IFT56: variants seen among roughly 807,000 people sequenced by gnomAD.
IFT56 encodes the protein intraflagellar transport protein 56.
the IFT56 span, chr7:139,168,415 G>A: frequency 6.2e-7 from 1 of 1,604,308 alleles, no homozygotes; most frequent in South Asian, 1.1e-5. Flanking sequence ...TGAAATCACT[G>A]ATAATCTATA....
the IFT56 span, chr7:139,133,799 G>C: frequency 1.2e-6 from 2 of 1,613,366 alleles, no homozygotes; most frequent in South Asian, 1.1e-5. Flanking sequence ...TGTGGATGCG[G>C]CGAAACGCTG....
chr7:139,146,799 C>G, the IFT56 span, among the ~76,000 whole-genome samples: 6 of 142,722 alleles, frequency 4.2e-5, no homozygotes, highest in African/African-American at 1.6e-4. Context: ...AAAGAAAGAA[C>G]AGATTAAAAA....
At chr7:139,147,214 T>G in the IFT56 span, 12 of 1,613,608 alleles carry the variant, frequency 7.4e-6, no homozygotes, top group Non-Finnish European at 1.0e-5. Context: ...TCAACTCAGT[T>G]TGGCCTCAAT....
chr7:139,140,213 A>G, the IFT56 span, among the ~76,000 whole-genome samples: 1 of 152,232 alleles, frequency 6.6e-6, no homozygotes, highest in Non-Finnish European at 1.5e-5. Flanking sequence ...GGCTACAGCC[A>G]AAAAGCAGAA....
the IFT56 span, among the ~76,000 whole-genome samples, chr7:139,172,129 C>CA: frequency 0.012 from 934 of 80,958 alleles, 3 homozygotes; most frequent in Non-Finnish European, 0.015. Flanking sequence ...AACCAATTTG[C>CA]AAAAAAAAAA....
chr7:139,188,285 G>A, the IFT56 span, among the ~76,000 whole-genome samples: 981 of 151,730 alleles, frequency 6.5e-3, 3 homozygotes, highest in Middle Eastern at 0.017. Flanking sequence ...ATTTTTAGTA[G>A]GGGCAGGGTT....
At chr7:139,159,790 AT>A in the IFT56 span, among the ~76,000 whole-genome samples, 12 of 152,138 alleles carry the variant, frequency 7.9e-5, no homozygotes, top group Non-Finnish European at 1.5e-4. Flanking sequence ...GGGGTTTATT[AT>A]TGTTATTTTT....
At chr7:139,138,704 A>G in the IFT56 span, among the ~76,000 whole-genome samples, 7 of 152,018 alleles carry the variant, frequency 4.6e-5, no homozygotes, top group South Asian at 4.1e-4. Context: ...CAAAGGAACA[A>G]TTATATTTAT....
At chr7:139,138,792 C>A in the IFT56 span, among the ~76,000 whole-genome samples, 1 of 150,432 alleles carries the variant, frequency 6.6e-6, no homozygotes, top group Non-Finnish European at 1.5e-5. Context: ...AATAATTAAT[C>A]AATGGGATTA....
At chr7:139,181,298 G>C in the IFT56 span, 1 of 832,226 alleles carries the variant, frequency 1.2e-6, no homozygotes, top group South Asian at 1.5e-5. Context: ...TAAATGGCTA[G>C]TAGTGAGAGG....
the IFT56 span, chr7:139,189,310 C>CTTTT: frequency 1.3e-6 from 2 of 1,563,822 alleles, no homozygotes; most frequent in Non-Finnish European, 1.7e-6. Context: ...CTTTTCAAAT[C>CTTTT]TTTTCCTCAG....
the IFT56 span, chr7:139,190,026 CAT>C: frequency 6.6e-6 from 1 of 152,182 alleles, no homozygotes; most frequent in African/African-American, 2.4e-5. Context: ...ATGATAATAA[CAT>C]GTTACAGCGC....
At chr7:139,158,306 G>A in the IFT56 span, among the ~76,000 whole-genome samples, 3 of 89,632 alleles carry the variant, frequency 3.3e-5, no homozygotes, top group Admixed American at 1.4e-4. Flanking sequence ...AGAGCTAGAC[G>A]CCATCTCAAA....
chr7:139,169,443 T>A, the IFT56 span: 5 of 1,142,378 alleles, frequency 4.4e-6, no homozygotes, highest in Non-Finnish European at 6.5e-6. Flanking sequence ...TAGGGATGTA[T>A]CTATTAGGCT....
At chr7:139,184,637 G>A in the IFT56 span, among the ~76,000 whole-genome samples, 65 of 152,296 alleles carry the variant, frequency 4.3e-4, no homozygotes, top group East Asian at 0.012. Flanking sequence ...GGTCAGGCAC[G>A]GTGGCTTATG....
At chr7:139,168,352 T>A in the IFT56 span, 25 of 1,605,800 alleles carry the variant, frequency 1.6e-5, no homozygotes, top group East Asian at 5.4e-4. Context: ...AGGAGTATAT[T>A]CTCAAAGGAG....
chr7:139,181,455 C>T, the IFT56 span, among the ~76,000 whole-genome samples: 1 of 152,134 alleles, frequency 6.6e-6, no homozygotes, highest in South Asian at 2.1e-4. Context: ...CTTTAGTCAG[C>T]GTTGATGTAC....
the IFT56 span, among the ~76,000 whole-genome samples, chr7:139,156,389 C>CT: frequency 0.01 from 1,488 of 147,506 alleles, 9 homozygotes; most frequent in Non-Finnish European, 0.016. Flanking sequence ...TTAGTTTTCT[C>CT]TTTTTTTTTT....
chr7:139,148,229 A>G, the IFT56 span: 2 of 1,612,742 alleles, frequency 1.2e-6, no homozygotes, highest in Non-Finnish European at 1.7e-6. Context: ...CTTAATGTTT[A>G]TGTGGCCCTC....
Sources: allele counts gnomAD v4.1 joint callset (sites outside exome capture counted in the v4.1 genomes callset), GRCh38; gene constraint gnomAD v4.1.1; transcripts MANE v1.5; gene names NCBI Gene and HGNC (gene_info 2026-07-23, HGNC 2026-07-21).